Variants in AKAP12 observed in about 807,000 individuals in gnomAD.
AKAP12 encodes A-kinase anchor protein 12.
AKAP12 carries 32 observed loss-of-function variants against 79.9 expected under a neutral mutation model. The observed-to-expected ratio is 0.40, with a 90% confidence interval of 0.30 to 0.54. The LOEUF (loss-of-function observed/expected upper bound fraction) is 0.54. Ranked by LOEUF, AKAP12 falls within the 20% of genes least tolerant of loss-of-function variation. AKAP12 has a pLI of 0.48. For missense variants in AKAP12, 2,074 were observed against 2,177.0 expected (o/e 0.95, Z 0.94); for synonymous variants, 808 against 857.0 (o/e 0.94, Z 1.00).
intron 3 of AKAP12, among the ~76,000 whole-genome samples, chr6:151,345,667 C>T (rs1030301015): frequency 6.6e-6 from 1 of 151,114 alleles, no homozygotes; most frequent in Non-Finnish European, 1.5e-5. Context: ...TGTGGTGACA[C>T]ATGCCACTAG....
chr6:151,261,379 C>T (rs548385488), intron 2 of AKAP12, among the ~76,000 whole-genome samples: 60 of 151,016 alleles, frequency 4.0e-4, no homozygotes, highest in Non-Finnish European at 7.7e-4. Context: ...TAAAAAAAAA[C>T]CCATAAAATA....
At chr6:151,289,582 TA>T (rs1285449599) in intron 2 of AKAP12, among the ~76,000 whole-genome samples, 9 of 152,182 alleles carry the variant, frequency 5.9e-5, no homozygotes, top group African/African-American at 2.2e-4. Flanking sequence ...TTTTTCTCAG[TA>T]GAGTAAGGTC....
intron 2 of AKAP12, among the ~76,000 whole-genome samples, chr6:151,257,802 TCTC>T (rs1340993762): frequency 1.3e-5 from 2 of 152,182 alleles, no homozygotes; most frequent in Non-Finnish European, 2.9e-5. Context: ...ATATTTTTAA[TCTC>T]CTTATTAAGT....
intron 2 of AKAP12, among the ~76,000 whole-genome samples, chr6:151,288,224 AAG>A (rs1776545365): frequency 5.9e-5 from 9 of 151,722 alleles, no homozygotes; most frequent in Non-Finnish European, 1.3e-4. Context: ...AAAAAAAAAA[AAG>A]AATTATGGCT....
At chr6:151,293,607 G>T (rs1343243128) in intron 2 of AKAP12, among the ~76,000 whole-genome samples, 2 of 152,160 alleles carry the variant, frequency 1.3e-5, no homozygotes, top group Non-Finnish European at 2.9e-5. Flanking sequence ...AGCTCTAGGG[G>T]TCTGTATTCT....
chr6:151,350,403 G>T lies in AKAP12; in HGVS notation c.2012G>T (p.Arg671Leu). The T allele has an allele frequency of 1.9e-6, 3 of 1,613,950 alleles. No homozygotes were observed. Among genetic ancestry groups the T allele is most frequent in the Non-Finnish European group, 2.5e-6 (3 of 1,180,008 alleles). ...VEEPKPEEPKRKVDTSVSWEA... is the reference protein window; with the variant it reads ...VEEPKPEEPKLKVDTSVSWEA... ...GAGCCAAAGCCGGAAGAACCAAAGC[G>T]CAAGGTGGATACCTCAGTATCTTGG... The change falls in exon 4 of 5, where the codon CGC becomes CTC. Residue 671 changes from arginine (R) to leucine (L), a missense_variant. Arg to Leu is a moderately radical substitution (Grantham distance 102). Around this residue, in one of 3 missense-constraint regions of AKAP12, gnomAD observed 1,428 missense variants for 1,451.0 expected, o/e 0.98. Transcript: ENST00000402676. The surrounding 1 kb of genome is among the most constrained non-coding windows in gnomAD (Gnocchi z 4.8).
intron 2 of AKAP12, among the ~76,000 whole-genome samples, chr6:151,265,236 C>A (rs1797530067): frequency 6.9e-6 from 1 of 144,896 alleles, no homozygotes. Context: ...TTTGCAATAG[C>A]TTTACTGAGA....
At chr6:151,329,403 CA>C (rs1339381836) in intron 3 of AKAP12, among the ~76,000 whole-genome samples, 1 of 152,006 alleles carries the variant, frequency 6.6e-6, no homozygotes, top group Non-Finnish European at 1.5e-5. Flanking sequence ...CACGCCCGGC[CA>C]AAAAAATGCT....
At position 151,350,230 on chromosome 6, in the gene AKAP12, C is replaced by T. The variant is rs147345804; in HGVS notation, c.1839C>T (p.Phe613=). The T allele has an allele frequency of 1.2e-5, 19 of 1,613,722 alleles. No homozygotes were observed. Among genetic ancestry groups the T allele is most frequent in the African/African-American group, 2.7e-5 (2 of 74,800 alleles). Residue 613 remains phenylalanine, a synonymous_variant, in exon 4 of 5, where the codon TTC becomes TTT. Coordinates refer to ENST00000402676, the MANE Select transcript of AKAP12 (RefSeq NM_005100.4). This position sits in a 1 kb window ranked among gnomAD's most constrained non-coding sequence, Gnocchi z 4.8. ...KREGVTPWAS[F]KKMVTPKKRV... is the part of the protein sequence containing the mutation. Reference sequence around the variant, plus strand: ...AAGGTGTCACTCCCTGGGCATCATTCAAAAAGATGGTGACGCCCAAGAAGC... The same window carrying T: ...AAGGTGTCACTCCCTGGGCATCATTTAAAAAGATGGTGACGCCCAAGAAGC...
intron 3 of AKAP12, among the ~76,000 whole-genome samples, chr6:151,344,469 A>C (rs943237819): frequency 6.6e-5 from 10 of 152,144 alleles, no homozygotes; most frequent in East Asian, 1.9e-4. Context: ...ACAAAAAAAA[A>C]CTCTAGGTCA....
chr6:151,252,436 T>C (rs1797198770), intron 2 of AKAP12, among the ~76,000 whole-genome samples: 1 of 152,064 alleles, frequency 6.6e-6, no homozygotes, highest in Admixed American at 6.6e-5. Flanking sequence ...CCTCAGGTGA[T>C]CCACCTGTTT....
intron 2 of AKAP12, among the ~76,000 whole-genome samples, chr6:151,278,737 C>T (rs1480376106): frequency 7.3e-5 from 11 of 151,322 alleles, no homozygotes; most frequent in African/African-American, 9.7e-5. Flanking sequence ...GCGCGATCTC[C>T]GCTCACTGCA....
At chr6:151,306,464 T>C (rs1014840382) in intron 3 of AKAP12, among the ~76,000 whole-genome samples, 8 of 152,192 alleles carry the variant, frequency 5.3e-5, no homozygotes, top group Non-Finnish European at 1.2e-4. Flanking sequence ...TGTGGCCCAG[T>C]AAGTCTCTTG....
At chr6:151,354,364 TTTTTGTTTTG>T (rs58313720) in intron 4 of AKAP12, among the ~76,000 whole-genome samples, 1 of 135,172 alleles carries the variant, frequency 7.4e-6, no homozygotes, top group Non-Finnish European at 1.5e-5. Context: ...ATCTTTGTGG[TTTTTGTTTTG>T]TTTTGTTTTG....
chr6:151,269,907 A>G (rs1171109684), intron 2 of AKAP12, among the ~76,000 whole-genome samples: 1 of 152,204 alleles, frequency 6.6e-6, no homozygotes, highest in Non-Finnish European at 1.5e-5. Context: ...CAGTAACCAC[A>G]GAGCCAAATC....
At chr6:151,267,859 A>G (rs2114707199) in intron 2 of AKAP12, among the ~76,000 whole-genome samples, 1 of 152,266 alleles carries the variant, frequency 6.6e-6, no homozygotes, top group South Asian at 2.1e-4. Flanking sequence ...TGGTTTCTTC[A>G]CCGGATTTTT....
intron 2 of AKAP12, among the ~76,000 whole-genome samples, chr6:151,293,524 C>T (rs1157552959): frequency 2.0e-5 from 3 of 152,176 alleles, no homozygotes; most frequent in Admixed American, 1.3e-4. Context: ...TGCATCAGCT[C>T]AGAGCAGCGG....
chr6:151,341,894 A>G lies in AKAP12; in HGVS notation c.320-6817A>G. ...GTCGGGAAGGGCCTGCGCCCGTGGC[A>G]TCCCAGCCCAGGCTGTAGAGCCGCC... On this transcript the variant is annotated intron_variant, in intron 3 of 4. Coordinates refer to ENST00000402676, the MANE Select transcript of AKAP12 (RefSeq NM_005100.4). The G allele has an allele frequency of 2.2e-6, 2 of 911,478 alleles. 1 individual carries two copies. Among genetic ancestry groups the G allele is most frequent in the Middle Eastern group, 5.6e-4 (2 of 3,588 alleles). 56.5% of individuals were successfully genotyped at this position (911,478 alleles called of 1,614,324 possible).
At chr6:151,320,119 C>T (rs573265721) in intron 3 of AKAP12, among the ~76,000 whole-genome samples, 1 of 152,044 alleles carries the variant, frequency 6.6e-6, no homozygotes, top group Non-Finnish European at 1.5e-5. Context: ...AGTTGGAGAG[C>T]CTAATATTGG....
Sources: gnomAD v4.1 joint callset for allele counts (sites outside exome capture counted in the v4.1 genomes callset) on GRCh38, gnomAD v4.1.1 for gene constraint, gnomAD v4.1.1 regional missense constraint, Gnocchi (gnomAD v3.1) non-coding constraint, MANE v1.5 for transcripts, NCBI Gene and HGNC (gene_info 2026-07-23, HGNC 2026-07-21) for gene names.